ERC2: variants seen among roughly 807,000 people sequenced by gnomAD.
ERC2 encodes the protein ELKS/RAB6-interacting/CAST family member 2.
ERC2 carries 42 observed loss-of-function variants against 114.8 expected under a neutral mutation model. That is an observed-to-expected ratio of 0.37 (90% CI 0.29 to 0.47). The LOEUF (loss-of-function observed/expected upper bound fraction) is 0.47, where lower values mean the gene tolerates loss of function less well. Among genes scored for constraint, ERC2 ranks in the 20% least tolerant of loss-of-function variants. ERC2 has a pLI of 0.99. For missense variants in ERC2, 939 were observed against 1,150.7 expected (o/e 0.82, Z 2.66); for synonymous variants, 454 against 425.5 (o/e 1.07, Z -0.82).
intron 14 of ERC2, among the ~76,000 whole-genome samples, chr3:55,872,331 A>G (rs925754518): frequency 6.6e-6 from 1 of 152,160 alleles, no homozygotes; most frequent in African/African-American, 2.4e-5. Flanking sequence ...ATCCGCATGG[A>G]TGCCAGGCTT....
At chr3:55,651,885 A>AC (rs1458718224) in intron 17 of ERC2, among the ~76,000 whole-genome samples, 2 of 152,238 alleles carry the variant, frequency 1.3e-5, no homozygotes, top group Non-Finnish European at 2.9e-5. Flanking sequence ...ATTGCAAAAA[A>AC]GGCAAAATCC....
At chr3:55,940,915 T>G (rs190542826) in intron 13 of ERC2, among the ~76,000 whole-genome samples, 7 of 152,340 alleles carry the variant, frequency 4.6e-5, no homozygotes, top group African/African-American at 1.7e-4. Flanking sequence ...ATACAGTTAC[T>G]GTGCCCAATA....
chr3:55,953,095 C>T (rs998664840), intron 12 of ERC2, among the ~76,000 whole-genome samples: 4 of 151,796 alleles, frequency 2.6e-5, no homozygotes, highest in Non-Finnish European at 5.9e-5. Context: ...GTCCCAGGTA[C>T]TCGGGAGGCT....
chr3:55,586,515 A>G (rs930233812), intron 17 of ERC2, among the ~76,000 whole-genome samples: 3 of 152,254 alleles, frequency 2.0e-5, no homozygotes, highest in African/African-American at 7.2e-5. Flanking sequence ...TTTAGCCATT[A>G]TTAATTTCTT....
At chr3:56,462,580 A>G (rs967358842) in intron 1 of ERC2, among the ~76,000 whole-genome samples, 8 of 152,140 alleles carry the variant, frequency 5.3e-5, no homozygotes, top group African/African-American at 1.9e-4. Flanking sequence ...TATCTCCACT[A>G]TGGTACTTGT....
intron 17 of ERC2, among the ~76,000 whole-genome samples, chr3:55,513,497 TC>T (rs2052251156): frequency 6.6e-6 from 1 of 152,152 alleles, no homozygotes; most frequent in African/African-American, 2.4e-5. Flanking sequence ...TGTCATGTCT[TC>T]CCAAGAAGCC....
chr3:56,327,140 G>C (rs903153652), intron 2 of ERC2, among the ~76,000 whole-genome samples: 2 of 152,218 alleles, frequency 1.3e-5, no homozygotes, highest in Non-Finnish European at 2.9e-5. Flanking sequence ...TCAGACTGCT[G>C]TAAAGAACTG....
intron 3 of ERC2, among the ~76,000 whole-genome samples, chr3:56,210,094 C>T (rs1360363051): frequency 6.6e-6 from 1 of 152,152 alleles, no homozygotes; most frequent in Non-Finnish European, 1.5e-5. Flanking sequence ...AAGTAAAACT[C>T]CTGATCTCAT....
intron 10 of ERC2, among the ~76,000 whole-genome samples, chr3:56,002,523 AC>A (rs1392915697): frequency 6.6e-6 from 1 of 152,142 alleles, no homozygotes; most frequent in African/African-American, 2.4e-5. Flanking sequence ...TTTACTAGTT[AC>A]CTTTTTGTAC....
chr3:56,207,072 GA>G (rs1183272177), intron 3 of ERC2, among the ~76,000 whole-genome samples: 1 of 152,144 alleles, frequency 6.6e-6, no homozygotes, highest in Non-Finnish European at 1.5e-5. Context: ...ATGGAGATAG[GA>G]AGATTATCAT....
chr3:55,589,249 G>T (rs1559703059), intron 17 of ERC2, among the ~76,000 whole-genome samples: 1 of 151,304 alleles, frequency 6.6e-6, no homozygotes, highest in East Asian at 1.9e-4. Context: ...GAGAGAGAAG[G>T]AGGTAAAATC....
At chr3:56,077,264 T>C (rs2077018216) in intron 7 of ERC2, among the ~76,000 whole-genome samples, 1 of 152,224 alleles carries the variant, frequency 6.6e-6, no homozygotes, top group Non-Finnish European at 1.5e-5. Context: ...ATAATAGAGC[T>C]CCTGTGGCTT....
At chr3:55,835,649 C>T (rs2060841329) in intron 14 of ERC2, among the ~76,000 whole-genome samples, 1 of 152,144 alleles carries the variant, frequency 6.6e-6, no homozygotes, top group Non-Finnish European at 1.5e-5. Context: ...CAATATCATA[C>T]TGAAGGGGCA....
At chr3:56,057,155 ATTT>A in intron 7 of ERC2, among the ~76,000 whole-genome samples, 1 of 152,202 alleles carries the variant, frequency 6.6e-6, no homozygotes, top group Non-Finnish European at 1.5e-5. Flanking sequence ...TATTTTTTAT[ATTT>A]TATTTCTAAT....
Position 55,670,071 on chromosome 3 carries a change from A to G in ERC2, c.*39+13723T>C, listed in dbSNP as rs560467012. Among the ~76,000 whole-genome samples the G allele has an allele frequency of 3.3e-4, 50 of 152,330 alleles. 1 individual carries two copies. In the South Asian group the frequency reaches 9.5e-3, roughly 29 times the overall value. ...CACTGAGCTCGCATTTTACACCACT[A>G]TTACGTTTGATCTTCACAAGAACTC... is the stretch of plus-strand genomic sequence containing the variant. On this transcript the variant is annotated intron_variant, in intron 17 of 17. Transcript: ENST00000288221.
rs574262316 is a variant in ERC2, at chr3:56,252,824, T to C, written c.1074+43195A>G. Reference sequence around the variant, plus strand: ...CTGAAGAAAATATTACATGGGATGCTAACATTGGAATTACAAAAGCAGCTT... The same window carrying C: ...CTGAAGAAAATATTACATGGGATGCCAACATTGGAATTACAAAAGCAGCTT... On this transcript the variant is annotated intron_variant, in intron 3 of 17. Coordinates refer to ENST00000288221, the MANE Select transcript of ERC2 (RefSeq NM_015576.3). Among the ~76,000 whole-genome samples, 17 of 150,332 alleles carry C rather than the reference T, an allele frequency of 1.1e-4. No individual in the cohort carries two copies. In the East Asian group the frequency reaches 3.3e-3, roughly 29 times the overall value.
chr3:55,732,190 A>C (rs566838502), intron 15 of ERC2, among the ~76,000 whole-genome samples: 1 of 152,302 alleles, frequency 6.6e-6, no homozygotes, highest in Admixed American at 6.5e-5. Context: ...AACATCTCTG[A>C]GGGACACTGG....
At chr3:56,033,070 A>AAGAAAGAAAG (rs1391664864) in intron 7 of ERC2, among the ~76,000 whole-genome samples, 1 of 120,244 alleles carries the variant, frequency 8.3e-6, no homozygotes, top group Admixed American at 8.1e-5. Flanking sequence ...GAAAGAAAGA[A>AAGAAAGAAAG]AGAAAGAAAG....
chr3:55,880,502 G>A (rs2063065096), intron 14 of ERC2, among the ~76,000 whole-genome samples: 2 of 152,160 alleles, frequency 1.3e-5, no homozygotes, highest in Non-Finnish European at 1.5e-5. Context: ...GTCACTGCCT[G>A]CAGCTAAAAC....
Sources: gnomAD v4.1 joint callset for allele counts (sites outside exome capture counted in the v4.1 genomes callset) on GRCh38, gnomAD v4.1.1 for gene constraint, MANE v1.5 for transcripts, NCBI Gene and HGNC (gene_info 2026-07-23, HGNC 2026-07-21) for gene names.